Variants in ASTN1 observed in about 807,000 individuals in gnomAD.
ASTN1 encodes astrotactin-1.
A neutral mutation model predicts 140.7 loss-of-function variants in ASTN1; 41 were observed. That is an observed-to-expected ratio of 0.29 (90% CI 0.23 to 0.38). The LOEUF is 0.38. Ranked by LOEUF, ASTN1 falls within the 10% of genes least tolerant of loss-of-function variation. The pLI is 1.00. For missense variants in ASTN1, 1,479 were observed against 1,678.8 expected (o/e 0.88, Z 2.08); for synonymous variants, 640 against 652.2 (o/e 0.98, Z 0.29).
intron 1 of ASTN1, among the ~76,000 whole-genome samples, chr1:177,116,827 T>A (rs1329201980): frequency 6.6e-6 from 1 of 152,182 alleles, no homozygotes; most frequent in Non-Finnish European, 1.5e-5. Context: ...CTACCATTTT[T>A]CAAGCTTTTG....
At chr1:176,887,177 C>T (rs534407907) in intron 18 of ASTN1, among the ~76,000 whole-genome samples, 7 of 152,272 alleles carry the variant, frequency 4.6e-5, no homozygotes, top group Non-Finnish European at 8.8e-5. Flanking sequence ...GTTTCATCTC[C>T]CATTTCTCTG....
chr1:177,065,504 A>C (rs1678311116), intron 1 of ASTN1, among the ~76,000 whole-genome samples: 1 of 152,244 alleles, frequency 6.6e-6, no homozygotes, highest in African/African-American at 2.4e-5. Flanking sequence ...TCTAAGCAGT[A>C]ATAGCAGTGC....
At chr1:177,027,319 T>C (rs1676168044) in intron 5 of ASTN1, among the ~76,000 whole-genome samples, 1 of 152,120 alleles carries the variant, frequency 6.6e-6, no homozygotes, top group East Asian at 1.9e-4. Context: ...CATAGAATCA[T>C]CACTGTTTAC....
rs188230751 is a variant in ASTN1, at chr1:177,103,958, T to A, written c.284-42693A>T. Among the ~76,000 whole-genome samples, 273 of 152,222 alleles carry A rather than the reference T, an allele frequency of 1.8e-3. 1 individual carries two copies. Among genetic ancestry groups the A allele is most frequent in the Non-Finnish European group, 3.0e-3 (202 of 68,004 alleles). ...TGAGCAGATCCCTAGGCCAACTCAG[T>A]AAGAAATCCAAACCATGGTGCTGCT... On this transcript the variant is annotated intron_variant, in intron 1 of 22. Transcript: ENST00000361833.
intron 21 of ASTN1, among the ~76,000 whole-genome samples, chr1:176,874,447 G>A (rs1194044780): frequency 2.0e-5 from 3 of 152,218 alleles, no homozygotes; most frequent in Non-Finnish European, 4.4e-5. Flanking sequence ...TTCAGTCTTT[G>A]ACATAATAAT....
chr1:177,056,022 G>T (rs1220157105), intron 2 of ASTN1, among the ~76,000 whole-genome samples: 1 of 152,184 alleles, frequency 6.6e-6, no homozygotes, highest in Admixed American at 6.5e-5. Context: ...TGTGCTCTAG[G>T]TATGAAATGA....
At chr1:176,906,868 AT>A (rs1336361331) in intron 16 of ASTN1, among the ~76,000 whole-genome samples, 1 of 151,466 alleles carries the variant, frequency 6.6e-6, no homozygotes, top group Non-Finnish European at 1.5e-5. Flanking sequence ...AAAGAAAAAA[AT>A]ATTCTACTTT....
chr1:177,060,296 G>A (rs1482875138), intron 2 of ASTN1, among the ~76,000 whole-genome samples: 4 of 152,182 alleles, frequency 2.6e-5, no homozygotes, highest in Non-Finnish European at 1.5e-5. Flanking sequence ...GAGCTAGAGA[G>A]AGGTGCAAGT....
intron 16 of ASTN1, among the ~76,000 whole-genome samples, chr1:176,906,438 A>G (rs1670002882): frequency 6.6e-6 from 1 of 152,206 alleles, no homozygotes; most frequent in African/African-American, 2.4e-5. Flanking sequence ...GATAAATAAG[A>G]AATAATGCTC....
chr1:177,086,647 AT>A (rs1291752083), intron 1 of ASTN1, among the ~76,000 whole-genome samples: 1 of 152,204 alleles, frequency 6.6e-6, no homozygotes, highest in African/African-American at 2.4e-5. Flanking sequence ...GAGTCAAATG[AT>A]TTTTTAAAAA....
At chr1:176,971,742 C>T (rs7554930) in intron 8 of ASTN1, among the ~76,000 whole-genome samples, 6,572 of 152,172 alleles carry the variant, frequency 0.043, 472 homozygotes, top group African/African-American at 0.15. Context: ...ACCCACAGTG[C>T]GCACAGTAGT....
intron 13 of ASTN1, 82 bp from the exon 14 acceptor site, chr1:176,944,100 G>T (rs1041450183): frequency 8.6e-6 from 13 of 1,510,582 alleles, no homozygotes; most frequent in Admixed American, 1.8e-5. Flanking sequence ...TTTTTGAGAC[G>T]GAGTTTCACT....
At chr1:177,076,356 C>G (rs373596652) in intron 1 of ASTN1, among the ~76,000 whole-genome samples, 4 of 151,264 alleles carry the variant, frequency 2.6e-5, no homozygotes, top group Non-Finnish European at 4.4e-5. Context: ...CACCATGCAC[C>G]GTCCTCACAG....
At chr1:177,027,717 T>TGTGC (rs1212032810) in intron 5 of ASTN1, among the ~76,000 whole-genome samples, 2 of 80,822 alleles carry the variant, frequency 2.5e-5, no homozygotes, top group Non-Finnish European at 4.9e-5. Flanking sequence ...CAGTACAGTG[T>TGTGC]GTGTGTGTGT....
chr1:176,994,864 T>G (rs1358510401), intron 8 of ASTN1, among the ~76,000 whole-genome samples: 1 of 152,142 alleles, frequency 6.6e-6, no homozygotes, highest in Admixed American at 6.5e-5. Flanking sequence ...CTATTATTAC[T>G]CATCTTTTTT....
At position 176,863,194 on chromosome 1, in the gene ASTN1, T is replaced by C. The variant is rs1668022875; in HGVS notation, c.*1090A>G. On this transcript the variant is annotated 3_prime_UTR_variant, in exon 23 of 23. Coordinates refer to ENST00000361833, the MANE Select transcript of ASTN1 (RefSeq NM_004319.3). ...CATGGTGGAATCCTCCTGCTTATGG[T>C]CATCAGAGAAACGATTTGCAAAACT... 1.0e-6 allele frequency: 1 copy of C among 985,912 alleles called. No individual in the cohort carries two copies. The highest frequency in any genetic ancestry group is 1.2e-6 in the Non-Finnish European group (1 of 829,932). The allele number at this position is 985,912 out of a possible 1,614,324, so 61.1% of individuals were successfully genotyped here.
At chr1:176,932,606 C>A (rs933074943) in intron 16 of ASTN1, among the ~76,000 whole-genome samples, 3 of 152,212 alleles carry the variant, frequency 2.0e-5, no homozygotes, top group Admixed American at 1.3e-4. Flanking sequence ...TTAATATAGA[C>A]CATATTTCAG....
At chr1:176,954,241 T>C (rs1442757827) in intron 11 of ASTN1, among the ~76,000 whole-genome samples, 9 of 152,178 alleles carry the variant, frequency 5.9e-5, no homozygotes, top group Admixed American at 5.9e-4. Context: ...TCCTGGATTA[T>C]CTAGGTGGGC....
chr1:177,159,796 C>A (rs1164925453), intron 1 of ASTN1, among the ~76,000 whole-genome samples: 1 of 152,208 alleles, frequency 6.6e-6, no homozygotes, highest in African/African-American at 2.4e-5. Context: ...TTACCTTCAT[C>A]CCCAATGCAG....
Sources: allele counts gnomAD v4.1 joint callset (sites outside exome capture counted in the v4.1 genomes callset), GRCh38; gene constraint gnomAD v4.1.1; transcripts MANE v1.5; gene names NCBI Gene and HGNC (gene_info 2026-07-23, HGNC 2026-07-21).